ANKS1B: variants seen among roughly 807,000 people sequenced by gnomAD.
ANKS1B encodes the protein ankyrin repeat and sterile alpha motif domain-containing protein 1B.
A neutral mutation model predicts 148.3 loss-of-function variants in ANKS1B; 36 were observed. The ratio of observed to expected loss-of-function variants is 0.24; its 90% CI spans 0.19 to 0.32. The LOEUF (loss-of-function observed/expected upper bound fraction) is 0.32, where lower values mean the gene tolerates loss of function less well. Among genes scored for constraint, ANKS1B ranks in the 10% least tolerant of loss-of-function variants. The pLI is 1.00. For synonymous variants in ANKS1B, 542 were observed against 560.8 expected, an observed-to-expected ratio of 0.97 and a Z score of 0.47; for missense variants, 1,157 against 1,542.6, an observed-to-expected ratio of 0.75 and a Z score of 4.19.
At chr12:99,927,247 C>T (rs1180301255) in intron 1 of ANKS1B, among the ~76,000 whole-genome samples, 1 of 152,140 alleles carries the variant, frequency 6.6e-6, no homozygotes, top group South Asian at 2.1e-4. Flanking sequence ...GACCCCTTTA[C>T]AGTAGTCAAT....
At chr12:98,842,988 T>C (rs1399906352) in intron 17 of ANKS1B, among the ~76,000 whole-genome samples, 2 of 152,172 alleles carry the variant, frequency 1.3e-5, no homozygotes, top group Non-Finnish European at 2.9e-5. Context: ...ACAAATGGCT[T>C]ATGGATGTTT....
intron 16 of ANKS1B, among the ~76,000 whole-genome samples, chr12:99,082,618 G>A (rs1410459787): frequency 1.3e-5 from 2 of 152,150 alleles, no homozygotes; most frequent in African/African-American, 4.8e-5. Flanking sequence ...GTCCAGGATA[G>A]AGGAGAACAA....
rs11109910 is a variant in ANKS1B, at chr12:99,543,212, A to T, written c.1273-38571T>A. Among the ~76,000 whole-genome samples, 14 of 152,060 alleles carry T rather than the reference A, an allele frequency of 9.2e-5. No individual in the cohort carries two copies. The East Asian group carries it at 1.9e-3, about 21-fold the overall frequency. ...GAAGATCTACAAATGGCCAATAAGC[A>T]CATAAAAATACTAAACATCATTAGT... On this transcript the variant is annotated intron_variant, in intron 9 of 26. Coordinates refer to ENST00000683438, the MANE Select transcript of ANKS1B (RefSeq NM_001352186.2).
chr12:99,953,968 TG>T (rs1259142098), intron 1 of ANKS1B, among the ~76,000 whole-genome samples: 1 of 152,050 alleles, frequency 6.6e-6, no homozygotes, highest in Non-Finnish European at 1.5e-5. Context: ...AGGGGGTTTG[TG>T]GGGGAGGCGG....
In ANKS1B at chr12:98,801,018, C is replaced by T. The variant is rs2099001000; in HGVS notation, c.3249G>A (p.Gln1083=). 1 of 1,612,354 alleles carries T rather than the reference C, an allele frequency of 6.2e-7. No homozygotes were observed. Among genetic ancestry groups the T allele is most frequent in the African/African-American group, 1.3e-5 (1 of 74,878 alleles). Residue 1083 remains glutamine (Q), a synonymous_variant, in exon 21 of 27, where the codon CAG becomes CAA. Transcript: ENST00000683438. The surrounding 1 kb of genome is among the most constrained non-coding windows in gnomAD (Gnocchi z 5.2). ...TTACAAAAGCTTTGTAATCACACGA[C>T]TGGAAGATAAGCTTTTCTGGGTGAT... The part of the protein sequence containing the change: ...WQHHPEKLIF[Q]SCDYKAFYLG...
At chr12:98,895,628 C>T (rs563592551) in intron 17 of ANKS1B, among the ~76,000 whole-genome samples, 1 of 152,322 alleles carries the variant, frequency 6.6e-6, no homozygotes, top group East Asian at 1.9e-4. Flanking sequence ...TGCGTTCCAG[C>T]TGTTCTCAGA....
chr12:98,894,497 G>A (rs1044427028), intron 17 of ANKS1B: 1 of 880,868 alleles, frequency 1.1e-6, no homozygotes, highest in African/African-American at 1.8e-5. Flanking sequence ...CCCCGGCAAA[G>A]CGTCTCCGCA....
At chr12:99,931,273 G>T (rs1042140142) in intron 1 of ANKS1B, among the ~76,000 whole-genome samples, 3 of 151,906 alleles carry the variant, frequency 2.0e-5, no homozygotes, top group African/African-American at 2.4e-5. Context: ...GCACACCAAC[G>T]TGGCACATGT....
intron 8 of ANKS1B, among the ~76,000 whole-genome samples, chr12:99,767,527 T>C (rs900571755): frequency 6.6e-6 from 1 of 152,138 alleles, no homozygotes; most frequent in African/African-American, 2.4e-5. Flanking sequence ...AGATTGTTTA[T>C]ACACATGGAG....
At chr12:99,167,946 AAAAGAAT>A (rs1256817741) in intron 14 of ANKS1B, among the ~76,000 whole-genome samples, 1 of 152,248 alleles carries the variant, frequency 6.6e-6, no homozygotes, top group African/African-American at 2.4e-5. Flanking sequence ...AAACCAGACC[AAAAGAAT>A]ACATTCTGTA....
intron 22 of ANKS1B, among the ~76,000 whole-genome samples, chr12:98,791,400 T>C (rs2098849376): frequency 6.6e-6 from 1 of 152,048 alleles, no homozygotes; most frequent in South Asian, 2.1e-4. Flanking sequence ...AATAAGGAGT[T>C]ACCTATGTGG....
At chr12:99,853,169 G>A (rs1477803782) in intron 1 of ANKS1B, among the ~76,000 whole-genome samples, 2 of 152,042 alleles carry the variant, frequency 1.3e-5, no homozygotes, top group Admixed American at 6.6e-5. Context: ...TCTTAGGAGC[G>A]CTATGGCCCC....
intron 8 of ANKS1B, among the ~76,000 whole-genome samples, chr12:99,673,716 G>A (rs2098548982): frequency 6.6e-6 from 1 of 151,468 alleles, no homozygotes; most frequent in Non-Finnish European, 1.5e-5. Context: ...GACAAATTAA[G>A]GAATCAAAAA....
chr12:99,846,692 T>A (rs1603302152), intron 1 of ANKS1B, among the ~76,000 whole-genome samples: 2 of 152,238 alleles, frequency 1.3e-5, no homozygotes, highest in South Asian at 4.1e-4. Context: ...GCCTTCAGGT[T>A]ACCAAAAGGC....
chr12:98,738,560 G>T (rs892797940), intron 9 of ANKS1B, among the ~76,000 whole-genome samples: 1 of 152,236 alleles, frequency 6.6e-6, no homozygotes, highest in Non-Finnish European at 1.5e-5. Flanking sequence ...CAGAAGTTGA[G>T]TGGATCTGCA....
At chr12:99,261,806 ACTC>A (rs2075951557) in intron 12 of ANKS1B, among the ~76,000 whole-genome samples, 1 of 151,914 alleles carries the variant, frequency 6.6e-6, no homozygotes, top group Non-Finnish European at 1.5e-5. Flanking sequence ...AAATCATGTC[ACTC>A]CTCTGCTCAA....
intron 17 of ANKS1B, among the ~76,000 whole-genome samples, chr12:98,900,836 T>C (rs2099770952): frequency 6.6e-6 from 1 of 152,230 alleles, no homozygotes; most frequent in African/African-American, 2.4e-5. Flanking sequence ...TGCTAAGGGA[T>C]AGGAAAGTAA....
intron 17 of ANKS1B, among the ~76,000 whole-genome samples, chr12:99,037,910 T>C (rs111598030): frequency 7.9e-5 from 12 of 152,290 alleles, no homozygotes; most frequent in African/African-American, 2.2e-4. Context: ...CCGTGACAAA[T>C]AGCAGGTCAA....
At chr12:99,632,727 CTATATATATA>C (rs3081654) in intron 9 of ANKS1B, among the ~76,000 whole-genome samples, 5,507 of 38,994 alleles carry the variant, frequency 0.14, 512 homozygotes, top group Middle Eastern at 0.17. Context: ...CCTTTTCTTT[CTATATATATA>C]TATATATATA....
Sources: allele counts gnomAD v4.1 joint callset (sites outside exome capture counted in the v4.1 genomes callset), GRCh38; gene constraint gnomAD v4.1.1; non-coding constraint Gnocchi (gnomAD v3.1); transcripts MANE v1.5; gene names NCBI Gene and HGNC (gene_info 2026-07-23, HGNC 2026-07-21).